The following TYMS variants were observed in gnomAD, a reference collection of about 807,000 sequenced individuals.
The protein encoded by TYMS is thymidylate synthase.
In TYMS, 21 loss-of-function variants were observed where a neutral mutation model predicts 39.3. The ratio of observed to expected loss-of-function variants is 0.54; its 90% CI spans 0.38 to 0.77. TYMS has a LOEUF of 0.77. Ranked by LOEUF, TYMS falls within the 30% of genes least tolerant of loss-of-function variation. TYMS has a pLI of 0.00. For missense variants in TYMS, 273 were observed against 406.7 expected (o/e 0.67, Z 2.83); for synonymous variants, 171 against 162.2 (o/e 1.05, Z -0.41).
chr18:669,162 G>A lies in TYMS; in HGVS notation c.545G>A (p.Trp182Ter). The change falls in exon 4 of 7, where the codon TGG becomes TAG. Residue 182 changes from tryptophan (W) to a stop codon, truncating the protein, a stop_gained. Transcript: ENST00000323274. LOFTEE classifies it high-confidence loss of function. ...GACAGAAGAATCATCATGTGCGCTT[G>A]GAATCCAAGAGGTTGAAAGAACCCC... ...PDDRRIIMCA[W>*]NPRDLPLMAL... The A allele has an allele frequency of 1.2e-6, 2 of 1,614,062 alleles. No individual in the cohort carries two copies. The highest frequency in any genetic ancestry group is 1.3e-5 in the African/African-American group (1 of 75,030).
chr18:671,062 T>C (rs2075021151), intron 5 of TYMS, 195 bp downstream of exon 5: 1 of 648,356 alleles, frequency 1.5e-6, no homozygotes, highest in Admixed American at 2.9e-5. Flanking sequence ...GTATACGCAC[T>C]AACAGATCTA....
chr18:671,587 AGTG>A (rs2144385326), intron 6 of TYMS, 136 bp downstream of exon 6: 1 of 701,716 alleles, frequency 1.4e-6, no homozygotes, highest in Middle Eastern at 2.3e-4. Context: ...TTTAGGGAGA[AGTG>A]GTGGGCAGGT....
intron 1 of TYMS, among the ~76,000 whole-genome samples, chr18:659,335 G>A (rs906717896): frequency 2.0e-5 from 3 of 152,074 alleles, no homozygotes; most frequent in Non-Finnish European, 2.9e-5. Flanking sequence ...TAGCACTAGT[G>A]GGCAGTGGAT....
At chr18:666,390 C>G (rs2144289919) in intron 3 of TYMS, among the ~76,000 whole-genome samples, 1 of 152,200 alleles carries the variant, frequency 6.6e-6, no homozygotes, top group Non-Finnish European at 1.5e-5. Flanking sequence ...ACACTCCACT[C>G]CCAGCTCTGC....
In TYMS at chr18:666,443, C is replaced by T. The variant is rs2074817711; in HGVS notation, c.455-2629C>T. On this transcript the variant is annotated intron_variant, in intron 3 of 6. Transcript: ENST00000323274. ...GAAACATCTCACTCCTGGACTTCCA[C>T]TTTCCTGTCACTGTTGGTGTCACCT... is the stretch of plus-strand genomic sequence containing the variant. Among the ~76,000 whole-genome samples the T allele has an allele frequency of 2.0e-5, 3 of 152,314 alleles. No individual in the cohort carries two copies. In the South Asian group the frequency reaches 6.2e-4, roughly 32 times the overall value.
rs1449571620 is a variant in TYMS, at chr18:658,256, G to A, written c.205+309G>A. ...CCCGAGGCGGGCGTCATCGGGCAGC[G>A]TTTGCCCAGTGCTGGAGGGTTAGGG... On this transcript the variant is annotated intron_variant, in intron 1 of 6. Transcript: ENST00000323274. The surrounding 1 kb of genome is among the most constrained non-coding windows in gnomAD (Gnocchi z 4.5). The A allele has an allele frequency of 2.0e-6, 3 of 1,467,426 alleles. No individual in the cohort carries two copies. The highest frequency in any genetic ancestry group is 1.4e-5 in the African/African-American group (1 of 71,250). 90.9% of individuals were successfully genotyped at this position (1,467,426 alleles called of 1,614,324 possible).
In TYMS at chr18:658,647, G is replaced by T. The variant is rs1157035125; in HGVS notation, c.205+700G>T. ...CTTTCAGGGGACAGTGGGGCGGGGC[G>T]GGGTGGGCACAGGACGTTAGGCAGC... On this transcript the variant is annotated intron_variant, in intron 1 of 6. Coordinates refer to ENST00000323274, the MANE Select transcript of TYMS (RefSeq NM_001071.4). The surrounding 1 kb of genome is among the most constrained non-coding windows in gnomAD (Gnocchi z 4.5). 1 of 274,422 alleles carries T rather than the reference G, an allele frequency of 3.6e-6. No individual in the cohort carries two copies. The highest frequency in any genetic ancestry group is 1.4e-4 in the East Asian group (1 of 6,996). The allele number at this position is 274,422 out of a possible 1,614,324, so 17.0% of individuals were successfully genotyped here.
chr18:670,768 G>C lies in TYMS; in HGVS notation c.633G>C (p.Gln211His), dbSNP rs1019504442. 55 of 1,614,050 alleles carry C rather than the reference G, an allele frequency of 3.4e-5. No individual in the cohort carries two copies. The highest frequency in any genetic ancestry group is 4.6e-5 in the Non-Finnish European group (54 of 1,180,046). The stretch of plus-strand genomic sequence containing the variant: ...TGGTGAACAGTGAGCTGTCCTGCCA[G>C]CTGTACCAGAGATCGGGAGACATGG... ...FYVVNSELSC[Q>H]LYQRSGDMGL... is the part of the protein sequence containing the mutation. The change falls in exon 5 of 7, where the codon CAG becomes CAC. Residue 211 changes from glutamine (Q) to histidine (H), a missense_variant. By Grantham distance (24) the Gln-to-His change is conservative. Around this residue, in one of 3 missense-constraint regions of TYMS, gnomAD observed 228 missense variants for 326.1 expected, o/e 0.70. Transcript: ENST00000323274.
At position 658,046 on chromosome 18, in the gene TYMS, T is replaced by C; in HGVS notation, c.205+99T>C. 6.4e-7 allele frequency: 1 copy of C among 1,565,916 alleles called. No homozygotes were observed. The highest frequency in any genetic ancestry group is 8.6e-7 in the Non-Finnish European group (1 of 1,157,986). On this transcript the variant is annotated intron_variant, in intron 1 of 6. Coordinates refer to ENST00000323274, the MANE Select transcript of TYMS (RefSeq NM_001071.4). The surrounding 1 kb of genome is among the most constrained non-coding windows in gnomAD (Gnocchi z 4.5). ...GCCGGGCGCTGCGGACCCCGTTTAG[T>C]CCTAACCTCAATCCTGCGAGGGAGG...
At position 662,072 on chromosome 18, in the gene TYMS, G is replaced by A; in HGVS notation, c.280-74G>A. On this transcript the variant is annotated intron_variant, in intron 2 of 6. Coordinates refer to ENST00000323274, the MANE Select transcript of TYMS (RefSeq NM_001071.4). ...CAGGGGCCAGAGGCCCTTGTAAGTGGTGTCTCGGGGGGATCAACTGAGATG... is the reference window on the plus strand; with the variant it reads ...CAGGGGCCAGAGGCCCTTGTAAGTGATGTCTCGGGGGGATCAACTGAGATG... The A allele has an allele frequency of 2.0e-6, 3 of 1,466,126 alleles. No homozygotes were observed. In the Admixed American group the frequency reaches 7.0e-5, roughly 34 times the overall value. 90.8% of individuals were successfully genotyped at this position (1,466,126 alleles called of 1,614,324 possible). A position where few individuals can be genotyped will look rare whatever the true frequency, so the allele number is the denominator to read the frequency against.
intron 2 of TYMS, 126 bp downstream of exon 2, chr18:659,840 C>G (rs554784833): frequency 4.8e-5 from 39 of 819,494 alleles, no homozygotes; most frequent in Non-Finnish European, 7.4e-5. Flanking sequence ...CTTTGGGAGG[C>G]TGAGTCAGAT....
At position 658,428 on chromosome 18, in the gene TYMS, G is replaced by A. The variant is rs2074717604; in HGVS notation, c.205+481G>A. The A allele has an allele frequency of 4.0e-6, 4 of 1,012,320 alleles. No individual in the cohort carries two copies. The South Asian group carries it at 6.1e-5, about 15-fold the overall frequency. 62.7% of individuals were successfully genotyped at this position (1,012,320 alleles called of 1,614,324 possible). A position where few individuals can be genotyped will look rare whatever the true frequency, so the allele number is the denominator to read the frequency against. ...GGCGGGGCAAAGGCGGCGGGAAGAG[G>A]AGAGCACTGAAGCTGGCGCGGGAAC... On this transcript the variant is annotated intron_variant, in intron 1 of 6. Coordinates refer to ENST00000323274, the MANE Select transcript of TYMS (RefSeq NM_001071.4). This position sits in a 1 kb window ranked among gnomAD's most constrained non-coding sequence, Gnocchi z 4.5.
chr18:666,278 G>C (rs1361697002), intron 3 of TYMS, among the ~76,000 whole-genome samples: 3 of 151,664 alleles, frequency 2.0e-5, no homozygotes, highest in Admixed American at 2.0e-4. Flanking sequence ...TGGGACAAGG[G>C]ACAAAATGCC....
rs1364981399 is a variant in TYMS, at chr18:662,428, G to A, written c.454+108G>A. 4.6e-4 allele frequency: 488 copies of A among 1,055,644 alleles called. 4 individuals are homozygous for A. Among genetic ancestry groups the A allele is most frequent in the Non-Finnish European group, 1.3e-5 (10 of 748,514 alleles). The allele number at this position is 1,055,644 out of a possible 1,614,324, so 65.4% of individuals were successfully genotyped here. ...GGGATGAGTCAATGTCACAGGAGCTGATGTATAGCTTTGACCTTGTGAGGG... is the reference window on the plus strand; with the variant it reads ...GGGATGAGTCAATGTCACAGGAGCTAATGTATAGCTTTGACCTTGTGAGGG... On this transcript the variant is annotated intron_variant, in intron 3 of 6. Transcript: ENST00000323274.
intron 3 of TYMS, chr18:667,689 TTAA>T (rs1388493902): frequency 1.3e-5 from 2 of 152,158 alleles, no homozygotes; most frequent in African/African-American, 4.8e-5. Context: ...AATGGCAAGT[TTAA>T]TATTATGTGT....
chr18:667,346 A>T lies in TYMS; in HGVS notation c.455-1726A>T, dbSNP rs745539058. On this transcript the variant is annotated intron_variant, in intron 3 of 6. Coordinates refer to ENST00000323274, the MANE Select transcript of TYMS (RefSeq NM_001071.4). ...GTGATGGTGATGGAGATGGTGATGGAGATGGTGATGGTGATGGAGATGGTG... is the reference window on the plus strand; with the variant it reads ...GTGATGGTGATGGAGATGGTGATGGTGATGGTGATGGTGATGGAGATGGTG... 3.6e-3 allele frequency among the ~76,000 whole-genome samples: 31 copies of T among 8,600 alleles called. 1 individual carries two copies. The highest frequency in any genetic ancestry group is 0.031 in the East Asian group (2 of 64). The allele number at this position is 8,600 out of a possible 152,430, so 5.6% of individuals were successfully genotyped here. A position where few individuals can be genotyped will look rare whatever the true frequency, so the allele number is the denominator to read the frequency against.
At chr18:671,488 T>G (rs1298777574) in intron 6 of TYMS, 37 bp downstream of exon 6, 7 of 1,336,928 alleles carry the variant, frequency 5.2e-6, no homozygotes, top group South Asian at 1.2e-5. Context: ...GTTTGGTACC[T>G]TCTCTTGATA....
At chr18:666,897 TGATGGAGATGGTGATGGTGATGGA>T (rs2074827063) in intron 3 of TYMS, among the ~76,000 whole-genome samples, 4 of 48,214 alleles carry the variant, frequency 8.3e-5, no homozygotes, top group African/African-American at 2.9e-4. Flanking sequence ...CGGGAGATGG[TGATGGAGATGGTGATGGTGATGGA>T]GATGGTGATG....
chr18:669,428 A>G (rs2074939693), intron 4 of TYMS: 1 of 347,766 alleles, frequency 2.9e-6, no homozygotes, highest in Admixed American at 4.2e-5. Context: ...GCTGGAATGC[A>G]ACGGCGTGAT....
Sources: allele counts gnomAD v4.1 joint callset (sites outside exome capture counted in the v4.1 genomes callset), GRCh38; gene constraint gnomAD v4.1.1; regional missense constraint gnomAD v4.1.1; non-coding constraint Gnocchi (gnomAD v3.1); transcripts MANE v1.5; gene names NCBI Gene and HGNC (gene_info 2026-07-23, HGNC 2026-07-21).